SLC35F1: variants seen among roughly 807,000 people sequenced by gnomAD.
The protein encoded by SLC35F1 is solute carrier family 35 member F1.
Under a neutral mutation model 48.7 loss-of-function variants are expected in SLC35F1, and 14 were observed. The observed-to-expected ratio is 0.29, with a 90% CI of 0.19 to 0.45. SLC35F1 has a LOEUF of 0.45. Among genes scored for constraint, SLC35F1 ranks in the 20% least tolerant of loss-of-function variants. The probability of loss-of-function intolerance (pLI) is 1.00; values close to 1 mark genes in which losing one functional copy is unlikely to be tolerated. For synonymous variants in SLC35F1, 190 were observed against 202.2 expected, an observed-to-expected ratio of 0.94 and a Z score of 0.51; for missense variants, 404 against 500.0, an observed-to-expected ratio of 0.81 and a Z score of 1.83.
intron 1 of SLC35F1, among the ~76,000 whole-genome samples, chr6:118,076,815 T>C (rs1316433150): frequency 6.6e-6 from 1 of 152,216 alleles, no homozygotes; most frequent in Non-Finnish European, 1.5e-5. Context: ...GCCTTTTTAG[T>C]AGGCAGCATT....
At position 118,048,517 on chromosome 6, in the gene SLC35F1, G is replaced by T. The variant is rs542818692; in HGVS notation, c.174-105928G>T. On this transcript the variant is annotated intron_variant, in intron 1 of 7. Transcript: ENST00000360388. Reference sequence around the variant, plus strand: ...GCTGATAAGCAACTTCAGCAAAGTCGTAGGATACAAAATCAATGTACAAAA... The same window carrying T: ...GCTGATAAGCAACTTCAGCAAAGTCTTAGGATACAAAATCAATGTACAAAA... Among the ~76,000 whole-genome samples the T allele has an allele frequency of 9.9e-5, 15 of 152,136 alleles. No individual in the cohort carries two copies. In the South Asian group the frequency reaches 1.0e-3, roughly 11 times the overall value.
At chr6:118,033,386 G>A (rs1772080940) in intron 1 of SLC35F1, among the ~76,000 whole-genome samples, 1 of 152,078 alleles carries the variant, frequency 6.6e-6, no homozygotes, top group African/African-American at 2.4e-5. Flanking sequence ...CCTTGGATTT[G>A]GAGATTTTTA....
rs147569440 is a variant in SLC35F1, at chr6:118,024,230, A to G, written c.173+116331A>G. Among the ~76,000 whole-genome samples the G allele has an allele frequency of 7.6e-3, 1,154 of 152,332 alleles. 13 individuals are homozygous for G. The highest frequency in any genetic ancestry group is 0.024 in the Middle Eastern group (7 of 294). ...GCCTCTAGGAAACCACTCCTACGGCATCCCAACATACTCTGTTAACTTCCC... is the reference window on the plus strand; with the variant it reads ...GCCTCTAGGAAACCACTCCTACGGCGTCCCAACATACTCTGTTAACTTCCC... On this transcript the variant is annotated intron_variant, in intron 1 of 7. Coordinates refer to ENST00000360388, the MANE Select transcript of SLC35F1 (RefSeq NM_001029858.4).
Sources: allele counts gnomAD v4.1 joint callset (sites outside exome capture counted in the v4.1 genomes callset), GRCh38; gene constraint gnomAD v4.1.1; transcripts MANE v1.5; gene names NCBI Gene and HGNC (gene_info 2026-07-23, HGNC 2026-07-21).